Variants in ZBTB20 observed in about 807,000 individuals in gnomAD.
The protein encoded by ZBTB20 is zinc finger and BTB domain containing 20, also known as zinc finger and BTB domain-containing protein 20.
ZBTB20 carries 9 observed loss-of-function variants against 56.9 expected under a neutral mutation model. The ratio of observed to expected loss-of-function variants is 0.16; its 90% CI spans 0.10 to 0.28. The LOEUF (loss-of-function observed/expected upper bound fraction) is 0.28, where lower values mean the gene tolerates loss of function less well. Ranked by LOEUF, ZBTB20 falls within the 10% of genes least tolerant of loss-of-function variation. The pLI is 1.00. For missense variants in ZBTB20, 655 were observed against 1,003.0 expected, an observed-to-expected ratio of 0.65 and a Z score of 4.69; for synonymous variants, 417 against 420.7, an observed-to-expected ratio of 0.99 and a Z score of 0.11.
intron 1 of ZBTB20, among the ~76,000 whole-genome samples, chr3:115,092,499 C>T (rs2083234876): frequency 6.6e-6 from 1 of 152,046 alleles, no homozygotes; most frequent in African/African-American, 2.4e-5. Flanking sequence ...TTATATCATG[C>T]CTATATAGAA....
chr3:114,647,783 G>GA lies in ZBTB20; in HGVS notation c.-295+45744dup, dbSNP rs542398354. Among the ~76,000 whole-genome samples the GA allele has an allele frequency of 3.9e-3, 582 of 150,688 alleles. 2 individuals carry two copies. The highest frequency in any genetic ancestry group is 0.013 in the African/African-American group (536 of 41,162). ...TAGTAATCATGACAATTGTGGGAGA[G>GA]AAAAAAAAAGATATGTAATCCTGAG... On this transcript the variant is annotated intron_variant, in intron 6 of 11. Coordinates refer to ENST00000675478, the MANE Select transcript of ZBTB20 (RefSeq NM_001348800.3).
At chr3:114,627,891 T>C (rs1488427820) in intron 6 of ZBTB20, among the ~76,000 whole-genome samples, 1 of 152,198 alleles carries the variant, frequency 6.6e-6, no homozygotes, top group Non-Finnish European at 1.5e-5. Context: ...TTAGTGTTAA[T>C]TTTCAGTAGA....
rs1160825928 is a variant in ZBTB20 at position 114,319,339 on chromosome 3, T to A, written c.*19666A>T. On this transcript the variant is annotated 3_prime_UTR_variant, in exon 12 of 12. Transcript: ENST00000675478. ...TCCTCTCCTAAACATTAACCTTCAGTCTAGGGCACAATTATTTATTGATTT... is the reference window on the plus strand; with the variant it reads ...TCCTCTCCTAAACATTAACCTTCAGACTAGGGCACAATTATTTATTGATTT... 6.6e-6 allele frequency: 1 copy of A among 152,026 alleles called. No individual in the cohort carries two copies. Among genetic ancestry groups the A allele is most frequent in the African/African-American group, 2.4e-5 (1 of 41,366 alleles). 9.4% of individuals were successfully genotyped at this position (152,026 alleles called of 1,614,324 possible). A position where few individuals can be genotyped will look rare whatever the true frequency, so the allele number is the denominator to read the frequency against.
At chr3:114,373,952 A>C (rs1273584894) in intron 10 of ZBTB20, among the ~76,000 whole-genome samples, 1 of 152,238 alleles carries the variant, frequency 6.6e-6, no homozygotes, top group Non-Finnish European at 1.5e-5. Context: ...ATTAAGATAC[A>C]AAGTTTCAAG....
intron 3 of ZBTB20, among the ~76,000 whole-genome samples, chr3:114,911,636 T>C (rs1467508104): frequency 2.6e-5 from 4 of 151,576 alleles, no homozygotes; most frequent in African/African-American, 7.3e-5. Flanking sequence ...AAAAATTCAA[T>C]ACAGGGCTTC....
chr3:114,862,800 A>G (rs1483166873), intron 4 of ZBTB20, among the ~76,000 whole-genome samples: 2 of 152,190 alleles, frequency 1.3e-5, no homozygotes, highest in African/African-American at 4.8e-5. Flanking sequence ...GGGGCATCAT[A>G]TTAAACATTT....
chr3:115,019,040 C>G (rs2080095210), intron 2 of ZBTB20, among the ~76,000 whole-genome samples: 2 of 151,086 alleles, frequency 1.3e-5, no homozygotes, highest in African/African-American at 4.8e-5. Flanking sequence ...ATTTTTTTGT[C>G]CTTTGTACCC....
chr3:114,850,428 C>T (rs2074943056), intron 4 of ZBTB20, among the ~76,000 whole-genome samples: 1 of 152,174 alleles, frequency 6.6e-6, no homozygotes, highest in Non-Finnish European at 1.5e-5. Flanking sequence ...TAGTAAGAAA[C>T]ATAGTAATCC....
chr3:114,779,880 A>G (rs1480957949), intron 5 of ZBTB20, among the ~76,000 whole-genome samples: 10 of 152,142 alleles, frequency 6.6e-5, no homozygotes, highest in Non-Finnish European at 4.4e-5. Flanking sequence ...CTTAATATAA[A>G]TTTTCCAATA....
At chr3:114,418,091 A>C (rs1378193765) in intron 7 of ZBTB20, among the ~76,000 whole-genome samples, 5 of 152,030 alleles carry the variant, frequency 3.3e-5, no homozygotes, top group African/African-American at 1.2e-4. Flanking sequence ...TTCTAGGCTA[A>C]TCTGGCCATC....
At chr3:114,873,365 C>A (rs1222588639) in intron 4 of ZBTB20, among the ~76,000 whole-genome samples, 1 of 152,060 alleles carries the variant, frequency 6.6e-6, no homozygotes, top group Non-Finnish European at 1.5e-5. Context: ...TGGGTGCAAG[C>A]ATGTAATTAA....
At chr3:115,145,506 A>G (rs555096084) in intron 1 of ZBTB20, among the ~76,000 whole-genome samples, 1 of 116,506 alleles carries the variant, frequency 8.6e-6, no homozygotes, top group South Asian at 3.7e-4. Context: ...CACCTAATAC[A>G]AGTAAATGCC....
At chr3:115,028,942 T>C (rs1277120461) in intron 2 of ZBTB20, among the ~76,000 whole-genome samples, 4 of 150,566 alleles carry the variant, frequency 2.7e-5, no homozygotes, top group Non-Finnish European at 4.5e-5. Context: ...CACTTATTAT[T>C]ATAATTTGGA....
chr3:114,802,021 T>G (rs1178217211), intron 4 of ZBTB20, among the ~76,000 whole-genome samples: 1 of 151,942 alleles, frequency 6.6e-6, no homozygotes, highest in Non-Finnish European at 1.5e-5. Flanking sequence ...CAACACCATC[T>G]ATAAATAATA....
chr3:114,707,965 G>T (rs1373345371), intron 5 of ZBTB20, among the ~76,000 whole-genome samples: 1 of 152,144 alleles, frequency 6.6e-6, no homozygotes, highest in Non-Finnish European at 1.5e-5. Context: ...GAATTGCAAA[G>T]TCTCAGAAAG....
intron 4 of ZBTB20, among the ~76,000 whole-genome samples, chr3:114,832,081 GGT>G (rs2073879080): frequency 6.6e-6 from 1 of 152,042 alleles, no homozygotes; most frequent in Non-Finnish European, 1.5e-5. Flanking sequence ...AAAAACAAAA[GGT>G]GTTGTGATAG....
In ZBTB20 at chr3:114,808,364, C is replaced by T. The variant is rs920276238; in HGVS notation, c.-416-7190G>A. ...GGATTATGAGGTTATAATATTTGTT[C>T]ATAGTATAGTATGAGATCAGGAATG... On this transcript the variant is annotated intron_variant, in intron 4 of 11. Coordinates refer to ENST00000675478, the MANE Select transcript of ZBTB20 (RefSeq NM_001348800.3). Among the ~76,000 whole-genome samples the T allele has an allele frequency of 1.3e-4, 20 of 151,886 alleles. 1 individual carries two copies. The highest frequency in any genetic ancestry group is 4.8e-4 in the African/African-American group (20 of 41,374).
intron 5 of ZBTB20, among the ~76,000 whole-genome samples, chr3:114,776,119 A>G (rs564809279): frequency 6.7e-6 from 1 of 150,294 alleles, no homozygotes; most frequent in East Asian, 2.0e-4. Context: ...GGCCTGGCTG[A>G]CAGTGCTAGC....
chr3:114,896,657 C>T (rs2074892972), intron 4 of ZBTB20, among the ~76,000 whole-genome samples: 1 of 152,012 alleles, frequency 6.6e-6, no homozygotes, highest in Non-Finnish European at 1.5e-5. Context: ...AGTTTTACAA[C>T]ATGAAAGTGT....
Sources: allele counts gnomAD v4.1 joint callset (sites outside exome capture counted in the v4.1 genomes callset), GRCh38; gene constraint gnomAD v4.1.1; transcripts MANE v1.5; gene names NCBI Gene and HGNC (gene_info 2026-07-23, HGNC 2026-07-21).